DNAH11: variants seen among roughly 807,000 people sequenced by gnomAD.
The protein encoded by DNAH11 is dynein axonemal heavy chain 11.
A neutral mutation model predicts 526.0 loss-of-function variants in DNAH11; 442 were observed. The ratio of observed to expected loss-of-function variants is 0.84; its 90% CI spans 0.78 to 0.91. DNAH11 has a LOEUF of 0.91. Ranked by LOEUF, DNAH11 falls within the 40% of genes least tolerant of loss-of-function variation. The pLI, the probability that DNAH11 is intolerant of heterozygous loss-of-function variation, is 0.00. For synonymous variants in DNAH11, 2,461 were observed against 1,935.9 expected, an observed-to-expected ratio of 1.27 and a Z score of -7.12; for missense variants, 6,989 against 5,448.7, an observed-to-expected ratio of 1.28 and a Z score of -8.90.
chr7:21,899,314 C>G (rs1356885438), intron 79 of DNAH11, 22 bp from the exon 80 acceptor site: 158 of 1,583,112 alleles, frequency 1.0e-4, no homozygotes, highest in Non-Finnish European at 1.2e-4. Flanking sequence ...GCAAGTTTTT[C>G]TTCCTCCCTC....
chr7:21,545,190 C>T, intron 2 of DNAH11, 41 bp downstream of exon 2: 1 of 1,488,624 alleles, frequency 6.7e-7, no homozygotes, highest in Admixed American at 2.1e-5. Context: ...TCACTTATCT[C>T]CATGACATTT....
At position 21,801,209 on chromosome 7, in the gene DNAH11, G is replaced by C. The variant is rs970362842; in HGVS notation, c.10099G>C (p.Glu3367Gln). Residue 3367 changes from glutamate to glutamine, a missense_variant, in exon 62 of 82, where the codon GAA (glutamate) becomes CAA (glutamine). Physicochemically the swap from Glu to Gln is conservative, Grantham distance 29 (BLOSUM62 2). Coordinates refer to ENST00000409508, the MANE Select transcript of DNAH11 (RefSeq NM_001277115.2). ...AACAGCTGAGAAAGTCCGGTGTCAA[G>C]AAGAGGTGAACCAAACCAACAAAAC... Reference protein sequence around the residue: ...KATAEKVRCQEEVNQTNKTIK... With the variant: ...KATAEKVRCQQEVNQTNKTIK... The C allele has an allele frequency of 3.1e-6, 5 of 1,613,596 alleles. No homozygotes were observed. In the African/African-American group the frequency reaches 6.7e-5, roughly 22 times the overall value.
At chr7:21,847,204 T>C (rs1482867138) in intron 66 of DNAH11, among the ~76,000 whole-genome samples, 1 of 152,202 alleles carries the variant, frequency 6.6e-6, no homozygotes, top group Non-Finnish European at 1.5e-5. Context: ...CTGATTTTTA[T>C]TATGTATTCA....
intron 55 of DNAH11, among the ~76,000 whole-genome samples, chr7:21,767,816 C>T (rs1291541527): frequency 6.6e-6 from 1 of 152,144 alleles, no homozygotes. Flanking sequence ...CTAATTTGAT[C>T]ACTTTCTTAG....
chr7:21,881,705 T>C (rs559777815), intron 75 of DNAH11, among the ~76,000 whole-genome samples: 18 of 152,342 alleles, frequency 1.2e-4, no homozygotes, highest in African/African-American at 4.3e-4. Context: ...CCCGTCTCTG[T>C]TTCTAAATGG....
chr7:21,796,445 G>T (rs1464787565), intron 61 of DNAH11, among the ~76,000 whole-genome samples: 3 of 152,202 alleles, frequency 2.0e-5, no homozygotes, highest in Non-Finnish European at 4.4e-5. Context: ...GAACATGGAT[G>T]AGGGAAGCAG....
chr7:21,698,129 T>C lies in DNAH11; in HGVS notation c.6096T>C (p.Val2032=). 6.2e-7 allele frequency: 1 copy of C among 1,613,636 alleles called. No individual in the cohort carries two copies. Among genetic ancestry groups the C allele is most frequent in the Non-Finnish European group, 8.5e-7 (1 of 1,179,720 alleles). The change falls in exon 36 of 82, where the codon GTT becomes GTC. Residue 2032 remains valine, a synonymous_variant. Coordinates refer to ENST00000409508, the MANE Select transcript of DNAH11 (RefSeq NM_001277115.2). ...AGCTAATCTGTGAAATCTTGTTAGT[T>C]GCTGAAGGTTTTGTGGATGCGCGTG... The part of the protein sequence containing the change: ...DIELICEILL[V]AEGFVDARAL...
chr7:21,740,758 T>A (rs117707810), intron 48 of DNAH11, among the ~76,000 whole-genome samples: 2 of 152,200 alleles, frequency 1.3e-5, no homozygotes, highest in African/African-American at 4.8e-5. Flanking sequence ...AATTGCTGCA[T>A]CATATCGGAA....
intron 42 of DNAH11, 108 bp downstream of exon 42, chr7:21,711,968 C>T (rs1784480493): frequency 1.6e-6 from 2 of 1,275,446 alleles, no homozygotes; most frequent in East Asian, 5.1e-5. Context: ...GCTGTCACCA[C>T]CATCCATCTC....
intron 1 of DNAH11, chr7:21,543,924 A>G (rs996711766): frequency 8.2e-6 from 3 of 363,758 alleles, no homozygotes; most frequent in African/African-American, 6.4e-5. Context: ...TGTGCCAAAA[A>G]ACTTGCGTTT....
At chr7:21,556,255 G>T (rs988382839) in intron 2 of DNAH11, among the ~76,000 whole-genome samples, 2 of 152,128 alleles carry the variant, frequency 1.3e-5, no homozygotes, top group African/African-American at 4.8e-5. Context: ...CTTTCTAGGT[G>T]CATGAGCTGT....
At position 21,867,880 on chromosome 7, in the gene DNAH11, G is replaced by A; in HGVS notation, c.11712G>A (p.Leu3904=). The A allele has an allele frequency of 1.3e-6, 2 of 1,576,950 alleles. No homozygotes were observed. The highest frequency in any genetic ancestry group is 1.2e-5 in the South Asian group (1 of 85,792). ...YALRNFVEEK[L]GAKYVERTRL... Reference sequence around the variant, plus strand: ...ATAGAAATTTTGTAGAGGAAAAACTGGGTGCGAAGTATGTGGAGAGGACCA... The same window carrying A: ...ATAGAAATTTTGTAGAGGAAAAACTAGGTGCGAAGTATGTGGAGAGGACCA... Residue 3904 remains leucine (L), a synonymous_variant, in exon 72 of 82, where the codon CTG becomes CTA. Coordinates refer to ENST00000409508, the MANE Select transcript of DNAH11 (RefSeq NM_001277115.2).
At chr7:21,634,698 C>T (rs771531201) in intron 25 of DNAH11, among the ~76,000 whole-genome samples, 2 of 152,090 alleles carry the variant, frequency 1.3e-5, no homozygotes, top group African/African-American at 4.8e-5. Context: ...GATCAAAAAC[C>T]TACCTGTCAG....
intron 63 of DNAH11, among the ~76,000 whole-genome samples, chr7:21,808,702 A>G (rs758901944): frequency 8.5e-5 from 13 of 152,210 alleles, no homozygotes; most frequent in Non-Finnish European, 1.5e-4. Flanking sequence ...ATGTGGCTGG[A>G]AATGACAGGA....
chr7:21,721,448 A>G (rs1054830875), intron 44 of DNAH11, among the ~76,000 whole-genome samples: 1 of 152,198 alleles, frequency 6.6e-6, no homozygotes, highest in African/African-American at 2.4e-5. Context: ...CGCCATAACA[A>G]AATACCACAA....
intron 66 of DNAH11, among the ~76,000 whole-genome samples, chr7:21,845,162 A>T (rs1349725824): frequency 6.6e-6 from 1 of 152,060 alleles, no homozygotes; most frequent in Non-Finnish European, 1.5e-5. Context: ...ATTTTCTCCC[A>T]TTCTGTGGGC....
intron 34 of DNAH11, among the ~76,000 whole-genome samples, chr7:21,689,985 A>G (rs540485236): frequency 5.3e-5 from 8 of 152,224 alleles, no homozygotes; most frequent in South Asian, 2.1e-4. Context: ...ATCTTTCACT[A>G]TTTCTCCAAC....
At chr7:21,563,183 A>G (rs1220663499) in intron 5 of DNAH11, among the ~76,000 whole-genome samples, 7 of 152,140 alleles carry the variant, frequency 4.6e-5, no homozygotes, top group East Asian at 3.9e-4. Flanking sequence ...TTTCATATCT[A>G]TAGCATTTTT....
chr7:21,836,449 T>C (rs1044852891), intron 65 of DNAH11, among the ~76,000 whole-genome samples: 16 of 151,986 alleles, frequency 1.1e-4, no homozygotes, highest in Non-Finnish European at 1.8e-4. Context: ...CACACACTTA[T>C]AGTCAACTGA....
Sources: gnomAD v4.1 joint callset for allele counts (sites outside exome capture counted in the v4.1 genomes callset) on GRCh38, gnomAD v4.1.1 for gene constraint, MANE v1.5 for transcripts, NCBI Gene and HGNC (gene_info 2026-07-23, HGNC 2026-07-21) for gene names.